The following HLCS variants were observed in gnomAD, a reference collection of about 807,000 sequenced individuals.
HLCS encodes holocarboxylase synthetase, also known as biotin--protein ligase.
Under a neutral mutation model 75.0 loss-of-function variants are expected in HLCS, and 53 were observed. The ratio of observed to expected loss-of-function variants is 0.71; its 90% CI spans 0.57 to 0.89. HLCS has a LOEUF of 0.89. HLCS is among the 40% of genes least tolerant of loss of function. The pLI is 0.00. For missense variants in HLCS, 966 were observed against 1,074.0 expected, an observed-to-expected ratio of 0.90 and a Z score of 1.41; for synonymous variants, 431 against 428.6, an observed-to-expected ratio of 1.01 and a Z score of -0.07.
intron 8 of HLCS, among the ~76,000 whole-genome samples, chr21:36,763,574 C>A (rs900046691): frequency 5.3e-5 from 8 of 152,174 alleles, no homozygotes; most frequent in Non-Finnish European, 1.2e-4. Context: ...GTGAGAAGGA[C>A]CTTTTCTTCA....
At chr21:36,810,916 C>G (rs1291587172) in intron 6 of HLCS, among the ~76,000 whole-genome samples, 1 of 152,066 alleles carries the variant, frequency 6.6e-6, no homozygotes, top group East Asian at 1.9e-4. Flanking sequence ...CAAACCAAAT[C>G]TGGGATAATT....
chr21:36,824,944 T>A (rs1452394268), intron 6 of HLCS, among the ~76,000 whole-genome samples: 1 of 152,224 alleles, frequency 6.6e-6, no homozygotes, highest in Non-Finnish European at 1.5e-5. Context: ...ATGCTTATGG[T>A]CACTCACTTG....
rs115378018 is a variant in HLCS, at chr21:36,844,358, G to A, written c.1892+52502C>T. Among the ~76,000 whole-genome samples the A allele has an allele frequency of 3.1e-3, 473 of 152,122 alleles. 1 individual carries two copies. Among genetic ancestry groups the A allele is most frequent in the African/African-American group, 9.3e-3 (386 of 41,498 alleles). On this transcript the variant is annotated intron_variant, in intron 6 of 10. Transcript: ENST00000674895. ...AGGGGGAAACGGAGGGGGATTCGGC[G>A]GGCGAGACAGAAGGACAGGGAGGGA... is the stretch of plus-strand genomic sequence containing the variant.
At chr21:36,838,298 TCACACACA>T (rs148428941) in intron 6 of HLCS, among the ~76,000 whole-genome samples, 5 of 127,300 alleles carry the variant, frequency 3.9e-5, no homozygotes, top group Non-Finnish European at 7.9e-5. Context: ...GGGTGAATGA[TCACACACA>T]CACACACACA....
chr21:36,864,092 C>A (rs1290423042), intron 6 of HLCS, among the ~76,000 whole-genome samples: 1 of 152,106 alleles, frequency 6.6e-6, no homozygotes, highest in African/African-American at 2.4e-5. Flanking sequence ...AATGTGTTAT[C>A]CACCATCATC....
At chr21:36,795,415 G>A (rs2060997755) in intron 6 of HLCS, among the ~76,000 whole-genome samples, 1 of 152,024 alleles carries the variant, frequency 6.6e-6, no homozygotes, top group Non-Finnish European at 1.5e-5. Context: ...ATCAAAATGG[G>A]AGTAAATGAT....
intron 6 of HLCS, among the ~76,000 whole-genome samples, chr21:36,852,883 G>T (rs183432284): frequency 6.6e-6 from 1 of 152,114 alleles, no homozygotes; most frequent in East Asian, 1.9e-4. Flanking sequence ...TTCTCCTTTT[G>T]CCCCTCCCAA....
intron 1 of HLCS, among the ~76,000 whole-genome samples, chr21:36,962,497 T>C (rs2068352495): frequency 6.6e-6 from 1 of 152,032 alleles, no homozygotes; most frequent in Non-Finnish European, 1.5e-5. Context: ...CATTTAAAGA[T>C]GAGGAGGCTG....
chr21:36,908,799 G>A lies in HLCS; in HGVS notation c.1621-11668C>T, dbSNP rs531611954. Among the ~76,000 whole-genome samples, 116 of 152,298 alleles carry A rather than the reference G, an allele frequency of 7.6e-4. 1 individual carries two copies. Among genetic ancestry groups the A allele is most frequent in the African/African-American group, 2.7e-3 (114 of 41,548 alleles). ...CCAGTACACTATATGATTCCACTTA[G>A]ATGACGTTTCAGAAAAGGCCAATCT... On this transcript the variant is annotated intron_variant, in intron 5 of 10. Transcript: ENST00000674895.
intron 5 of HLCS, among the ~76,000 whole-genome samples, chr21:36,903,155 T>C (rs2072368607): frequency 1.3e-5 from 2 of 152,162 alleles, no homozygotes; most frequent in Admixed American, 1.3e-4. Context: ...AAAGCTACAT[T>C]TGGGTCCTAT....
At chr21:36,985,078 C>T (rs964500254) in intron 1 of HLCS, among the ~76,000 whole-genome samples, 2 of 152,126 alleles carry the variant, frequency 1.3e-5, no homozygotes, top group African/African-American at 4.8e-5. Context: ...TTCCTAAGAA[C>T]AAGAATATTT....
chr21:36,921,136 T>TA (rs2066146646), intron 5 of HLCS, among the ~76,000 whole-genome samples: 1 of 152,198 alleles, frequency 6.6e-6, no homozygotes, highest in African/African-American at 2.4e-5. Context: ...GCAAACTCAG[T>TA]AAGTTTTCTG....
At chr21:36,854,936 T>C (rs1178159803) in intron 6 of HLCS, among the ~76,000 whole-genome samples, 1 of 152,174 alleles carries the variant, frequency 6.6e-6, no homozygotes, top group East Asian at 1.9e-4. Context: ...ATTCCAAAGA[T>C]AGGACCACCA....
chr21:36,882,697 G>A (rs902035767), intron 6 of HLCS, among the ~76,000 whole-genome samples: 1 of 143,974 alleles, frequency 6.9e-6, no homozygotes, highest in Non-Finnish European at 1.5e-5. Context: ...TCCTGACCTC[G>A]TGATCCACCC....
chr21:36,775,981 G>A (rs2060346226), intron 6 of HLCS, among the ~76,000 whole-genome samples: 1 of 152,224 alleles, frequency 6.6e-6, no homozygotes. Flanking sequence ...TTCCAAAGCT[G>A]AGAAGAAGTC....
chr21:36,942,521 C>T (rs1216284790), intron 2 of HLCS, among the ~76,000 whole-genome samples: 1 of 149,870 alleles, frequency 6.7e-6, no homozygotes, highest in Non-Finnish European at 1.5e-5. Flanking sequence ...GCTAAAACTA[C>T]AAAATTCAGA....
At chr21:36,767,391 C>G in intron 6 of HLCS, 106 bp from the exon 7 acceptor site, 1 of 1,144,110 alleles carries the variant, frequency 8.7e-7, no homozygotes, top group Non-Finnish European at 1.3e-6. Flanking sequence ...GGGTGTGTGG[C>G]CATGGAAGGG....
At chr21:36,948,097 C>T (rs774329231) in intron 2 of HLCS, 1 of 403,372 alleles carries the variant, frequency 2.5e-6, no homozygotes, top group Non-Finnish European at 3.3e-6. Flanking sequence ...CGAAACCAGC[C>T]TGGATGGCAT....
At position 36,749,678 on chromosome 21, in the gene HLCS, G is replaced by A. The variant is rs561170976; in HGVS notation, c.*4568C>T. 6.6e-6 allele frequency: 1 copy of A among 152,132 alleles called. No homozygotes were observed. The highest frequency in any genetic ancestry group is 1.5e-5 in the Non-Finnish European group (1 of 68,020). The allele number at this position is 152,132 out of a possible 1,614,324, so 9.4% of individuals were successfully genotyped here. A position where few individuals can be genotyped will look rare whatever the true frequency, so the allele number is the denominator to read the frequency against. ...TGAGTGTGTGCACAGGAAATAAGCC[G>A]AGGGTATTATTTTTTTATGTTCATG... On this transcript the variant is annotated 3_prime_UTR_variant, in exon 11 of 11. Transcript: ENST00000674895.
Sources: allele counts gnomAD v4.1 joint callset (sites outside exome capture counted in the v4.1 genomes callset), GRCh38; gene constraint gnomAD v4.1.1; transcripts MANE v1.5; gene names NCBI Gene and HGNC (gene_info 2026-07-23, HGNC 2026-07-21).